The following TEC variants were observed in gnomAD, a reference collection of about 807,000 sequenced individuals.
TEC encodes tec protein tyrosine kinase, also known as tyrosine-protein kinase Tec.
TEC carries 72 observed loss-of-function variants against 93.0 expected under a neutral mutation model. The observed-to-expected ratio is 0.77, with a 90% CI of 0.64 to 0.94. The LOEUF (loss-of-function observed/expected upper bound fraction) is 0.94. Ranked by LOEUF, TEC falls within the 40% of genes least tolerant of loss-of-function variation. The pLI is 0.00. For synonymous variants in TEC, 249 were observed against 247.7 expected, an observed-to-expected ratio of 1.01 and a Z score of -0.05; for missense variants, 630 against 757.9, an observed-to-expected ratio of 0.83 and a Z score of 1.98.
intron 13 of TEC, 43 bp from the exon 14 acceptor site, chr4:48,145,338 C>A: frequency 6.2e-7 from 1 of 1,611,286 alleles, no homozygotes; most frequent in Non-Finnish European, 8.5e-7. Context: ...GGAAAAGAAA[C>A]TACCAAGTTT....
intron 14 of TEC, among the ~76,000 whole-genome samples, chr4:48,143,501 C>T (rs567753988): frequency 6.6e-6 from 1 of 152,186 alleles, no homozygotes; most frequent in Non-Finnish European, 1.5e-5. Flanking sequence ...TACAGCATGT[C>T]TATTTTACAA....
rs1311191583 is a variant in TEC at position 48,138,645 on chromosome 4, A to G, written c.1812+20T>C. ...CAATCCCTAAGAGATTCAAAAAGAA[A>G]GCACACAAAAAATCTATACCTCCTG... On this transcript the variant is annotated intron_variant, in intron 17 of 17. Transcript: ENST00000381501. 2 of 1,584,330 alleles carry G rather than the reference A, an allele frequency of 1.3e-6. No individual in the cohort carries two copies. Among genetic ancestry groups the G allele is most frequent in the South Asian group, 2.3e-5 (2 of 85,980 alleles).
chr4:48,159,237 G>C (rs1165468968), intron 8 of TEC, among the ~76,000 whole-genome samples: 1 of 152,174 alleles, frequency 6.6e-6, no homozygotes, highest in African/African-American at 2.4e-5. Flanking sequence ...TTTGGCTCAT[G>C]GTCCTGCAGG....
chr4:48,238,993 C>T lies in TEC; in HGVS notation c.-45-10334G>A, dbSNP rs185896065. On this transcript the variant is annotated intron_variant, in intron 1 of 17. Transcript: ENST00000381501. ...ATGGAGCAGAGGCTAGACTAGTTCA[C>T]TTACTTTGTGAGAGACAAGTATATT... Among the ~76,000 whole-genome samples the T allele has an allele frequency of 2.9e-4, 44 of 152,278 alleles. No homozygotes were observed. The East Asian group carries it at 6.6e-3, about 23-fold the overall frequency.
At chr4:48,261,737 C>T (rs1234475577) in intron 1 of TEC, among the ~76,000 whole-genome samples, 1 of 152,146 alleles carries the variant, frequency 6.6e-6, no homozygotes, top group East Asian at 1.9e-4. Context: ...AAGTTAAAGT[C>T]TGTCGCTTTG....
intron 1 of TEC, among the ~76,000 whole-genome samples, chr4:48,251,888 A>G (rs1724213261): frequency 6.6e-6 from 1 of 152,202 alleles, no homozygotes; most frequent in Admixed American, 6.5e-5. Context: ...AGTAGAAGCA[A>G]ATATTGGATG....
rs539573453 is a variant in TEC, at chr4:48,167,899, C to T, written c.550G>A (p.Val184Ile). ...GCTTGGAAATCATACATGGCTACAACGATTTCTTCACTATTATCTTCTTCT... is the reference window on the plus strand; with the variant it reads ...GCTTGGAAATCATACATGGCTACAATGATTTCTTCACTATTATCTTCTTCT... ...LEEEDNSEEI[V>I]VAMYDFQAAE... The change falls in exon 7 of 18, where the codon GTT (valine) becomes ATT (isoleucine). Residue 184 changes from valine (V) to isoleucine (I), a missense_variant. Physicochemically the swap from Val to Ile is conservative, Grantham distance 29. This residue lies in a region of TEC where 335 missense variants were observed against 351.5 expected (regional missense o/e 0.95). Coordinates refer to ENST00000381501, the MANE Select transcript of TEC (RefSeq NM_003215.3). 1.1e-5 allele frequency: 17 copies of T among 1,613,808 alleles called. No homozygotes were observed. The highest frequency in any genetic ancestry group is 3.3e-5 in the Admixed American group (2 of 59,978).
chr4:48,236,304 C>A (rs1223683916), intron 1 of TEC, among the ~76,000 whole-genome samples: 1 of 151,002 alleles, frequency 6.6e-6, no homozygotes, highest in Non-Finnish European at 1.5e-5. Context: ...TTTTTTGAGA[C>A]GGAGTCTCGC....
chr4:48,181,621 C>T (rs1422479769), intron 2 of TEC, among the ~76,000 whole-genome samples: 2 of 149,220 alleles, frequency 1.3e-5, no homozygotes, highest in Non-Finnish European at 3.0e-5. Context: ...TGCAGTGAGC[C>T]GAGATAGTGC....
chr4:48,267,446 C>T (rs1200233247), intron 1 of TEC, among the ~76,000 whole-genome samples: 1 of 152,202 alleles, frequency 6.6e-6, no homozygotes, highest in Non-Finnish European at 1.5e-5. Context: ...TAGGCCCCTT[C>T]CTTCTGGGTT....
chr4:48,183,214 G>T (rs754669568), intron 2 of TEC, among the ~76,000 whole-genome samples: 1 of 152,182 alleles, frequency 6.6e-6, no homozygotes, highest in African/African-American at 2.4e-5. Flanking sequence ...CTGTGCTTCA[G>T]TTCCTTTCTC....
chr4:48,170,208 T>C, intron 5 of TEC, 40 bp downstream of exon 5: 3 of 1,498,532 alleles, frequency 2.0e-6, no homozygotes, highest in Non-Finnish European at 2.8e-6. Context: ...ATACGTTCAT[T>C]CTAAGCACAA....
At chr4:48,256,044 C>T (rs982084516) in intron 1 of TEC, among the ~76,000 whole-genome samples, 6 of 152,164 alleles carry the variant, frequency 3.9e-5, no homozygotes, top group African/African-American at 1.4e-4. Flanking sequence ...GTGCACTAAG[C>T]ACTGGAAATA....
intron 1 of TEC, among the ~76,000 whole-genome samples, chr4:48,247,502 T>A (rs1445994922): frequency 3.3e-5 from 5 of 152,010 alleles, no homozygotes; most frequent in Non-Finnish European, 2.9e-5. Context: ...TGCCAACTGA[T>A]GAATGAATAA....
chr4:48,154,330 GA>G (rs1464273326), intron 9 of TEC, among the ~76,000 whole-genome samples: 2 of 152,188 alleles, frequency 1.3e-5, no homozygotes, highest in African/African-American at 4.8e-5. Flanking sequence ...GGTTGTCTCT[GA>G]TTAAGGTCAT....
At chr4:48,240,046 A>G (rs1000429529) in intron 1 of TEC, among the ~76,000 whole-genome samples, 4 of 151,876 alleles carry the variant, frequency 2.6e-5, no homozygotes, top group Admixed American at 6.6e-5. Flanking sequence ...CTTATCTTTT[A>G]AAGATATATA....
rs556250252 is a variant in TEC at position 48,194,073 on chromosome 4, A to C, written c.139-17887T>G. Among the ~76,000 whole-genome samples the C allele has an allele frequency of 2.4e-4, 37 of 152,306 alleles. 1 individual carries two copies. The South Asian group carries it at 7.1e-3, about 29-fold the overall frequency. ...CCCACCTCCTGGTATCCCAACCATG[A>C]CCAATGGATTGATGAAGTGATAACC... On this transcript the variant is annotated intron_variant, in intron 2 of 17. Transcript: ENST00000381501.
intron 12 of TEC, 91 bp downstream of exon 12, chr4:48,146,234 G>T: frequency 8.5e-7 from 1 of 1,172,554 alleles, no homozygotes; most frequent in South Asian, 1.4e-5. Context: ...AACAGTTCCA[G>T]TATGTGAAAT....
chr4:48,226,274 T>G lies in TEC; in HGVS notation c.138+2203A>C, dbSNP rs1390150342. Among the ~76,000 whole-genome samples, 6 of 152,070 alleles carry G rather than the reference T, an allele frequency of 3.9e-5. No individual in the cohort carries two copies. In the East Asian group the frequency reaches 9.7e-4, roughly 24 times the overall value. ...TGCATTTTACCACTTTCACTTCTTT[T>G]CTTAGACTTACTGCAGTTGACCCTT... On this transcript the variant is annotated intron_variant, in intron 2 of 17. Transcript: ENST00000381501.
Sources: allele counts gnomAD v4.1 joint callset (sites outside exome capture counted in the v4.1 genomes callset), GRCh38; gene constraint gnomAD v4.1.1; regional missense constraint gnomAD v4.1.1; transcripts MANE v1.5; gene names NCBI Gene and HGNC (gene_info 2026-07-23, HGNC 2026-07-21).